PRAG1: variants seen among roughly 807,000 people sequenced by gnomAD.
PRAG1 encodes the protein PEAK1 related, kinase-activating pseudokinase 1, also known as inactive tyrosine-protein kinase PRAG1.
Under a neutral mutation model 95.6 loss-of-function variants are expected in PRAG1, and 110 were observed. That is an observed-to-expected ratio of 1.15 (90% CI 0.99 to 1.35). The LOEUF is 1.35. PRAG1 is among the 40% of genes most tolerant of loss of function. PRAG1 has a pLI of 0.00. For synonymous variants in PRAG1, 1,052 were observed against 819.4 expected (o/e 1.28, Z -4.85); for missense variants, 2,554 against 1,864.7 (o/e 1.37, Z -6.81).
chr8:8,381,782 C>T lies in PRAG1; in HGVS notation c.-35G>A, dbSNP rs374510536. 641 of 1,513,596 alleles carry T rather than the reference C, an allele frequency of 4.2e-4. 1 individual carries two copies. The highest frequency in any genetic ancestry group is 5.6e-4 in the Non-Finnish European group (625 of 1,124,904). 93.8% of individuals were successfully genotyped at this position (1,513,596 alleles called of 1,614,324 possible). A position where few individuals can be genotyped will look rare whatever the true frequency, so the allele number is the denominator to read the frequency against. On this transcript the variant is annotated 5_prime_UTR_variant, in exon 2 of 6. Transcript: ENST00000615670. ...ACAGGGTGCTGGTTCATCTTGCGCC[C>T]GGCTCTCTGGTGCAGTTTTGTGGGA...
At position 8,324,867 on chromosome 8, in the gene PRAG1, T is replaced by A. The variant is rs192075244; in HGVS notation, c.3072+2843A>T. Among the ~76,000 whole-genome samples, 1,052 of 148,924 alleles carry A rather than the reference T, an allele frequency of 7.1e-3. 8 individuals are homozygous for A. The highest frequency in any genetic ancestry group is 0.01 in the Non-Finnish European group (703 of 67,878). On this transcript the variant is annotated intron_variant, in intron 5 of 5. Coordinates refer to ENST00000615670, the MANE Select transcript of PRAG1 (RefSeq NM_001080826.3). ...CGAAGACGCACACACAACTAATGAT[T>A]TTTTTTTTCCTGTCACCTATTCATG...
intron 3 of PRAG1, among the ~76,000 whole-genome samples, chr8:8,362,636 C>T (rs1799878641): frequency 1.3e-5 from 2 of 152,210 alleles, no homozygotes; most frequent in Admixed American, 6.5e-5. Context: ...AATGCTTATT[C>T]CTCGGTGCCA....
chr8:8,342,070 G>T (rs550247118), intron 3 of PRAG1, among the ~76,000 whole-genome samples: 3 of 152,108 alleles, frequency 2.0e-5, no homozygotes, highest in Non-Finnish European at 4.4e-5. Context: ...GGCGGAGGTT[G>T]CAGTGAGCCG....
chr8:8,369,425 T>C (rs1051660017), intron 3 of PRAG1, among the ~76,000 whole-genome samples: 1 of 152,234 alleles, frequency 6.6e-6, no homozygotes, highest in African/African-American at 2.4e-5. Context: ...TGGGGCAACC[T>C]GGAAATCTGG....
chr8:8,379,953 G>C (rs1351835803), intron 2 of PRAG1, among the ~76,000 whole-genome samples: 1 of 152,172 alleles, frequency 6.6e-6, no homozygotes, highest in Non-Finnish European at 1.5e-5. Flanking sequence ...ATATTCTGAA[G>C]TGTGGGGCCA....
chr8:8,367,036 T>C (rs986508883), intron 3 of PRAG1, among the ~76,000 whole-genome samples: 2 of 152,068 alleles, frequency 1.3e-5, no homozygotes, highest in Non-Finnish European at 2.9e-5. Context: ...AGCCAGCACA[T>C]GACATGTATC....
At chr8:8,379,058 G>A (rs1214662701) in intron 2 of PRAG1, among the ~76,000 whole-genome samples, 4 of 151,494 alleles carry the variant, frequency 2.6e-5, no homozygotes, top group African/African-American at 9.7e-5. Flanking sequence ...GGATCAGAGT[G>A]AGGGGTGGTT....
intron 3 of PRAG1, among the ~76,000 whole-genome samples, chr8:8,356,619 A>G (rs998485112): frequency 2.0e-5 from 3 of 152,082 alleles, no homozygotes; most frequent in African/African-American, 7.2e-5. Flanking sequence ...AAGTGCTGGG[A>G]TTTCAGGCTT....
At chr8:8,371,292 G>A (rs577696566) in intron 3 of PRAG1, among the ~76,000 whole-genome samples, 4 of 151,724 alleles carry the variant, frequency 2.6e-5, no homozygotes, top group East Asian at 2.0e-4. Flanking sequence ...GTGGAGTCTC[G>A]CTCTGTCGCC....
intron 3 of PRAG1, among the ~76,000 whole-genome samples, chr8:8,360,431 C>G (rs1159289062): frequency 6.6e-6 from 1 of 152,192 alleles, no homozygotes; most frequent in Non-Finnish European, 1.5e-5. Flanking sequence ...CCTCTTGCCT[C>G]CTCTAGAAAA....
intron 3 of PRAG1, among the ~76,000 whole-genome samples, chr8:8,371,324 G>A (rs898128946): frequency 1.3e-5 from 2 of 151,542 alleles, no homozygotes; most frequent in Non-Finnish European, 2.9e-5. Context: ...TCAGTGGTGC[G>A]ATCTCGGCTC....
chr8:8,379,107 G>A (rs1309018306), intron 2 of PRAG1, among the ~76,000 whole-genome samples: 1 of 151,894 alleles, frequency 6.6e-6, no homozygotes, highest in East Asian at 1.9e-4. Context: ...TTCTGAACTG[G>A]ATCAGAGTGA....
Position 8,376,280 on chromosome 8 carries a change from G to T in PRAG1, c.2129C>A (p.Thr710Lys). ...EFPKDRSGIETFSPPPPPPKS... is the reference protein window; with the variant it reads ...EFPKDRSGIEKFSPPPPPPKS... ...TGGAGGCGGAGGAGGAGGTGAGAAT[G>T]TCTCAATCCCACTTCTGTCCTTGGG... Residue 710 changes from threonine (T) to lysine (K), a missense_variant, in exon 3 of 6, where the codon ACA (threonine) becomes AAA (lysine). Coordinates refer to ENST00000615670, the MANE Select transcript of PRAG1 (RefSeq NM_001080826.3). 1 of 1,614,126 alleles carries T rather than the reference G, an allele frequency of 6.2e-7. No homozygotes were observed.
chr8:8,359,052 A>G (rs940124195), intron 3 of PRAG1, among the ~76,000 whole-genome samples: 4 of 152,234 alleles, frequency 2.6e-5, no homozygotes, highest in Non-Finnish European at 5.9e-5. Context: ...TGACTATGTA[A>G]GGTTTAATGA....
At position 8,381,684 on chromosome 8, in the gene PRAG1, C is replaced by T. The variant is rs373932683; in HGVS notation, c.64G>A (p.Glu22Lys). ...CAGGACCCGGGTTTCCAGATGTGCT[C>T]CACAAAGTCACTGCACGCAGACATT... ...LKMSACSDFV[E>K]HIWKPGSCKN... is the part of the protein sequence containing the mutation. The change falls in exon 2 of 6, where the codon GAG (glutamate) becomes AAG (lysine). Residue 22 changes from glutamate (E) to lysine (K), a missense_variant. Coordinates refer to ENST00000615670, the MANE Select transcript of PRAG1 (RefSeq NM_001080826.3). 1.9e-5 allele frequency: 30 copies of T among 1,612,698 alleles called. No homozygotes were observed. The highest frequency in any genetic ancestry group is 2.5e-5 in the Non-Finnish European group (30 of 1,179,056).
intron 3 of PRAG1, among the ~76,000 whole-genome samples, chr8:8,360,353 T>C (rs548954648): frequency 6.6e-6 from 1 of 152,310 alleles, no homozygotes; most frequent in Admixed American, 6.5e-5. Flanking sequence ...GCACTTACTT[T>C]TACCTTCTCC....
At position 8,377,534 on chromosome 8, in the gene PRAG1, C is replaced by G; in HGVS notation, c.875G>C (p.Gly292Ala). 2 of 1,589,322 alleles carry G rather than the reference C, an allele frequency of 1.3e-6. No homozygotes were observed. Among genetic ancestry groups the G allele is most frequent in the Non-Finnish European group, 1.7e-6 (2 of 1,166,600 alleles). The stretch of plus-strand genomic sequence containing the variant: ...CTGCTCTGCGGGCCCGGAACACTTC[C>G]CCTGCTCCCAGCACGTGGGTGAGCA... ...RDCSPTCWEQ[G>A]KCSGPAEQEK... The change falls in exon 3 of 6, where the codon GGG (glycine) becomes GCG (alanine). Residue 292 changes from glycine (G) to alanine (A), a missense_variant. Gly to Ala is a moderately conservative substitution (Grantham distance 60). Transcript: ENST00000615670.
chr8:8,377,875 G>C lies in PRAG1; in HGVS notation c.534C>G (p.His178Gln), dbSNP rs1800480361. 2.5e-6 allele frequency: 4 copies of C among 1,614,126 alleles called. No individual in the cohort carries two copies. Among genetic ancestry groups the C allele is most frequent in the Non-Finnish European group, 3.4e-6 (4 of 1,179,988 alleles). The change falls in exon 3 of 6, where the codon CAC (histidine) becomes CAG (glutamine). Residue 178 changes from histidine to glutamine, a missense_variant. His to Gln is a conservative substitution (Grantham distance 24). Transcript: ENST00000615670. Reference sequence around the variant, plus strand: ...CCTTCTCCTCCGGGAAGCTCACCGGGTGGAAGGCAATGTTCCTCTCGCCGC... The same window carrying C: ...CCTTCTCCTCCGGGAAGCTCACCGGCTGGAAGGCAATGTTCCTCTCGCCGC... ...EPRGERNIAFHPVSFPEEKAV... is the reference protein window; with the variant it reads ...EPRGERNIAFQPVSFPEEKAV...
Position 8,377,110 on chromosome 8 carries a change from T to C in PRAG1, c.1299A>G (p.Ile433Met). 6.2e-7 allele frequency: 1 copy of C among 1,613,502 alleles called. No individual in the cohort carries two copies. The highest frequency in any genetic ancestry group is 8.5e-7 in the Non-Finnish European group (1 of 1,180,014). The change falls in exon 3 of 6, where the codon ATA becomes ATG. Residue 433 changes from isoleucine to methionine, a missense_variant. Ile to Met is a conservative substitution (Grantham distance 10). Transcript: ENST00000615670. ...GGCCCTGGGCAGCAGCTGCATGTTC[T>C]ATCTTGGCCTGTGACTTGGAAGGCA... ...APVPSKSQAK[I>M]EHAAAAQGQG...
Sources: gnomAD v4.1 joint callset for allele counts (sites outside exome capture counted in the v4.1 genomes callset) on GRCh38, gnomAD v4.1.1 for gene constraint, MANE v1.5 for transcripts, NCBI Gene and HGNC (gene_info 2026-07-23, HGNC 2026-07-21) for gene names.